The following ALDH1L1 variants were observed in gnomAD, a reference collection of about 807,000 sequenced individuals.
ALDH1L1 encodes the protein cytosolic 10-formyltetrahydrofolate dehydrogenase.
In ALDH1L1, 68 loss-of-function variants were observed where a neutral mutation model predicts 101.1. The observed-to-expected ratio is 0.67, with a 90% CI of 0.55 to 0.82. The LOEUF (loss-of-function observed/expected upper bound fraction) is 0.82. Among genes scored for constraint, ALDH1L1 ranks in the 40% least tolerant of loss-of-function variants. The pLI is 0.00. For synonymous variants in ALDH1L1, 486 were observed against 470.8 expected, an observed-to-expected ratio of 1.03 and a Z score of -0.42; for missense variants, 1,087 against 1,172.7, an observed-to-expected ratio of 0.93 and a Z score of 1.07.
At chr3:126,165,285 G>A (rs2081143202) in intron 1 of ALDH1L1, among the ~76,000 whole-genome samples, 1 of 152,132 alleles carries the variant, frequency 6.6e-6, no homozygotes, top group African/African-American at 2.4e-5. Flanking sequence ...CTTAAGCACA[G>A]TATATTAACT....
At position 126,114,641 on chromosome 3, in the gene ALDH1L1, G is replaced by A. The variant is rs139479433; in HGVS notation, c.1998C>T (p.Asn666=). ...CCAGTTCCAGGGACACCTTCTTCAC[G>A]TTACTTATGGCACAGCTGCAAGGAA... ...KHIMKSCAIS[N]VKKVSLELGG... is the part of the protein sequence containing the mutation. Residue 666 remains asparagine, a synonymous_variant, in exon 18 of 23, where the codon AAC becomes AAT. Coordinates refer to ENST00000393434, the MANE Select transcript of ALDH1L1 (RefSeq NM_012190.4). The A allele has an allele frequency of 1.6e-5, 24 of 1,521,066 alleles. No homozygotes were observed. Among genetic ancestry groups the A allele is most frequent in the South Asian group, 2.6e-5 (2 of 76,040 alleles). 94.2% of individuals were successfully genotyped at this position (1,521,066 alleles called of 1,614,324 possible).
chr3:126,111,883 C>A (rs189505489), intron 19 of ALDH1L1, among the ~76,000 whole-genome samples: 12 of 152,164 alleles, frequency 7.9e-5, no homozygotes, highest in East Asian at 1.9e-4. Flanking sequence ...CTTGCTCCCC[C>A]CCTGGTATCA....
intron 21 of ALDH1L1, among the ~76,000 whole-genome samples, chr3:126,106,313 G>A (rs1262860346): frequency 1.3e-5 from 2 of 152,238 alleles, no homozygotes; most frequent in African/African-American, 4.8e-5. Context: ...AGGTGGCAGT[G>A]AAGTCTCTTA....
intron 21 of ALDH1L1, among the ~76,000 whole-genome samples, chr3:126,106,522 T>G (rs891923502): frequency 3.9e-5 from 6 of 152,144 alleles, no homozygotes; most frequent in Non-Finnish European, 5.9e-5. Flanking sequence ...CCCAGCCTGG[T>G]CTGGGTGACT....
intron 12 of ALDH1L1, among the ~76,000 whole-genome samples, chr3:126,133,816 G>A (rs926352977): frequency 5.3e-5 from 8 of 152,158 alleles, no homozygotes; most frequent in South Asian, 2.1e-4. Flanking sequence ...CTGGACCACC[G>A]TCAGATTCTC....
At chr3:126,121,810 C>A (rs1335971613) in intron 16 of ALDH1L1, among the ~76,000 whole-genome samples, 1 of 152,234 alleles carries the variant, frequency 6.6e-6, no homozygotes, top group African/African-American at 2.4e-5. Flanking sequence ...GCGCTTCTTT[C>A]CTTCTCAGCT....
intron 1 of ALDH1L1, among the ~76,000 whole-genome samples, chr3:126,190,068 C>T (rs979791493): frequency 9.2e-5 from 14 of 152,156 alleles, no homozygotes; most frequent in Admixed American, 2.6e-4. Flanking sequence ...TCTCCAGGGG[C>T]GCCCCAGAAA....
intron 9 of ALDH1L1, among the ~76,000 whole-genome samples, chr3:126,139,504 T>C (rs1576448969): frequency 1.1e-5 from 1 of 92,906 alleles, no homozygotes; most frequent in African/African-American, 6.5e-5. Context: ...CTACAAAACA[T>C]ATGAAGAAAT....
chr3:126,138,045 A>C (rs1576447360), intron 9 of ALDH1L1, 85 bp from the exon 10 acceptor site: 1 of 1,532,482 alleles, frequency 6.5e-7, no homozygotes. Flanking sequence ...GGGGCCAAAC[A>C]CCCCAGAGAG....
intron 5 of ALDH1L1, 95 bp from the exon 6 acceptor site, chr3:126,154,738 A>G (rs940085735): frequency 6.9e-6 from 8 of 1,156,350 alleles, no homozygotes; most frequent in Admixed American, 5.5e-5. Context: ...CTTGTGAGAC[A>G]GCTGGTAACC....
chr3:126,126,162 C>T (rs781146774), intron 14 of ALDH1L1, among the ~76,000 whole-genome samples: 3 of 152,186 alleles, frequency 2.0e-5, no homozygotes, highest in Non-Finnish European at 2.9e-5. Flanking sequence ...AAGACAGAGT[C>T]AGCAAGGCAG....
intron 4 of ALDH1L1, chr3:126,156,775 G>A (rs1252901275): frequency 6.6e-6 from 1 of 152,268 alleles, no homozygotes; most frequent in Non-Finnish European, 1.5e-5. Context: ...CCCAGCTGGT[G>A]ATTGGCTCAT....
chr3:126,151,099 C>T (rs1553760594), intron 7 of ALDH1L1: 1 of 152,306 alleles, frequency 6.6e-6, no homozygotes, highest in Non-Finnish European at 1.5e-5. Context: ...TCCCACCACA[C>T]TTTCACTTTG....
intron 1 of ALDH1L1, among the ~76,000 whole-genome samples, chr3:126,168,808 G>T (rs2081219184): frequency 6.6e-6 from 1 of 152,050 alleles, no homozygotes; most frequent in Non-Finnish European, 1.5e-5. Context: ...AAAACTGTAT[G>T]GGATGTCTAA....
intron 1 of ALDH1L1, among the ~76,000 whole-genome samples, chr3:126,162,463 T>C (rs1171103623): frequency 6.6e-6 from 1 of 152,252 alleles, no homozygotes; most frequent in Admixed American, 6.5e-5. Flanking sequence ...TATTTGGATA[T>C]CCTTTTGTGG....
intron 12 of ALDH1L1, among the ~76,000 whole-genome samples, chr3:126,134,415 G>A (rs2108244891): frequency 6.6e-6 from 1 of 152,332 alleles, no homozygotes; most frequent in Non-Finnish European, 1.5e-5. Flanking sequence ...CCAGGCCAGA[G>A]GTTCTCCCGC....
intron 8 of ALDH1L1, among the ~76,000 whole-genome samples, chr3:126,148,687 A>G (rs559126679): frequency 6.6e-6 from 1 of 152,174 alleles, no homozygotes; most frequent in African/African-American, 2.4e-5. Flanking sequence ...TGAGACCTGC[A>G]GGTACTGAGG....
At chr3:126,180,688 G>A, upstream of ALDH1L1, 4 of 1,378,304 alleles carry the variant, frequency 2.9e-6, no homozygotes, top group Non-Finnish European at 3.8e-6. Flanking sequence ...CACCGGTGGT[G>A]GGACTATGGC....
At position 126,135,559 on chromosome 3, in the gene ALDH1L1, C is replaced by T. The variant is rs148251029; in HGVS notation, c.1448G>A (p.Arg483Gln). The change falls in exon 12 of 23, where the codon CGG (arginine) becomes CAG (glutamine). Residue 483 changes from arginine to glutamine, a missense_variant. Transcript: ENST00000393434. Reference protein sequence around the residue: ...ENGRWGKISARDRGRLMYRLA... With the variant: ...ENGRWGKISAQDRGRLMYRLA... ...CCTGTACATCAGCCGGCCCCGGTCC[C>T]GCGCACTGATCTTCCCCCACCGTCC... 50 of 1,607,578 alleles carry T rather than the reference C, an allele frequency of 3.1e-5. No individual in the cohort carries two copies. Among genetic ancestry groups the T allele is most frequent in the Non-Finnish European group, 3.8e-5 (45 of 1,177,610 alleles).
Sources: gnomAD v4.1 joint callset for allele counts (sites outside exome capture counted in the v4.1 genomes callset) on GRCh38, gnomAD v4.1.1 for gene constraint, MANE v1.5 for transcripts, NCBI Gene and HGNC (gene_info 2026-07-23, HGNC 2026-07-21) for gene names.